Variants in FBXL18 observed in about 807,000 individuals in gnomAD.
FBXL18 encodes F-box and leucine rich repeat protein 18.
Under a neutral mutation model 46.0 loss-of-function variants are expected in FBXL18, and 36 were observed. The observed-to-expected ratio is 0.78, with a 90% CI of 0.60 to 1.03. FBXL18 has a LOEUF of 1.03. Ranked by LOEUF, FBXL18 falls within the 50% of genes least tolerant of loss-of-function variation. The pLI, the probability that FBXL18 is intolerant of heterozygous loss-of-function variation, is 0.00. For synonymous variants in FBXL18, 557 were observed against 465.3 expected, an observed-to-expected ratio of 1.20 and a Z score of -2.54; for missense variants, 977 against 1,004.1, an observed-to-expected ratio of 0.97 and a Z score of 0.36.
In FBXL18 at chr7:5,456,121, G is replaced by A. The variant is rs906561707; in HGVS notation, c.2001-8278C>T. 5.3e-5 allele frequency among the ~76,000 whole-genome samples: 8 copies of A among 151,516 alleles called. No homozygotes were observed. In the South Asian group the frequency reaches 1.7e-3, roughly 32 times the overall value. ...CTGGCAACTCCTGCTCCCACCTAAC[G>A]TCATCATGGGACCTAAAAGCAGACC... On this transcript the variant is annotated intron_variant and NMD_transcript_variant, in intron 4 of 6. Transcript: ENST00000415009.
intron 4 of FBXL18, among the ~76,000 whole-genome samples, chr7:5,461,082 G>A (rs1305779737): frequency 1.3e-5 from 2 of 152,138 alleles, no homozygotes; most frequent in Admixed American, 1.3e-4. Flanking sequence ...TGGTGTCCTG[G>A]TGCCCAACCC....
In FBXL18 at chr7:5,455,658, C is replaced by T. The variant is rs1316253454; in HGVS notation, c.2001-7815G>A. 3.3e-5 allele frequency among the ~76,000 whole-genome samples: 5 copies of T among 152,096 alleles called. No individual in the cohort carries two copies. Among genetic ancestry groups the T allele is most frequent in the East Asian group, 3.9e-4 (2 of 5,194 alleles). Reference sequence around the variant, plus strand: ...CGGGATTGCTGACCATCCACTTCCCCGCAGGGGGGCTCAAACCCAGGCTGT... The same window carrying T: ...CGGGATTGCTGACCATCCACTTCCCTGCAGGGGGGCTCAAACCCAGGCTGT... On this transcript the variant is annotated intron_variant and NMD_transcript_variant, in intron 4 of 6. Transcript: ENST00000415009. This position sits in a 1 kb window ranked among gnomAD's most constrained non-coding sequence, Gnocchi z 4.6.
intron 3 of FBXL18, among the ~76,000 whole-genome samples, chr7:5,493,453 A>G (rs1783984664): frequency 6.6e-6 from 1 of 151,466 alleles, no homozygotes. Flanking sequence ...CTGCCACCGC[A>G]CCCAGCTAAT....
At chr7:5,512,984 C>G (rs760210023) in intron 1 of FBXL18, among the ~76,000 whole-genome samples, 1 of 152,162 alleles carries the variant, frequency 6.6e-6, no homozygotes, top group Non-Finnish European at 1.5e-5. Flanking sequence ...GTGACAGATA[C>G]CAACCCAGGT....
intron 1 of FBXL18, among the ~76,000 whole-genome samples, chr7:5,512,866 C>A (rs769433156): frequency 6.6e-6 from 1 of 152,150 alleles, no homozygotes; most frequent in African/African-American, 2.4e-5. Context: ...TCCAGAGACC[C>A]TGCCCCATCA....
chr7:5,480,036 C>T lies in FBXL18; in HGVS notation c.*1739G>A, dbSNP rs1783601105. On this transcript the variant is annotated 3_prime_UTR_variant, in exon 5 of 5. Coordinates refer to ENST00000382368, the MANE Select transcript of FBXL18 (RefSeq NM_024963.6). ...TCCCCACAGCTCTGACCCCAGTTCT[C>T]CAAAGGCCTCCTGGACAAGGAGCTT... 6.6e-6 allele frequency among the ~76,000 whole-genome samples: 1 copy of T among 152,176 alleles called. No individual in the cohort carries two copies. Among genetic ancestry groups the T allele is most frequent in the Non-Finnish European group, 1.5e-5 (1 of 68,016 alleles).
chr7:5,487,468 G>A (rs914626917), intron 4 of FBXL18, among the ~76,000 whole-genome samples: 2 of 152,172 alleles, frequency 1.3e-5, no homozygotes, highest in African/African-American at 4.8e-5. Flanking sequence ...ACAGAGCCTG[G>A]AGGTCCCCAC....
At chr7:5,500,393 T>TGGAGG in intron 3 of FBXL18, 95 bp downstream of exon 3, 1 of 1,203,716 alleles carries the variant, frequency 8.3e-7, no homozygotes, top group Non-Finnish European at 1.2e-6. Context: ...TCTGCACTCC[T>TGGAGG]GGAGGGCAGG....
intron 2 of FBXL18, among the ~76,000 whole-genome samples, chr7:5,504,266 C>T (rs950754614): frequency 3.3e-5 from 5 of 151,668 alleles, no homozygotes; most frequent in African/African-American, 1.2e-4. Flanking sequence ...CCTGCCTCTG[C>T]TAAAAATACA....
At position 5,502,110 on chromosome 7, in the gene FBXL18, C is replaced by G. The variant is rs1007294273; in HGVS notation, c.238-79G>C. 3 of 1,024,904 alleles carry G rather than the reference C, an allele frequency of 2.9e-6. No individual in the cohort carries two copies. In the South Asian group the frequency reaches 4.8e-5, roughly 16 times the overall value. 63.5% of individuals were successfully genotyped at this position (1,024,904 alleles called of 1,614,324 possible). On this transcript the variant is annotated intron_variant, in intron 2 of 4. Transcript: ENST00000382368. ...GGGTCTCCAACCCTCAGTGCGCACA[C>G]TCCCCCTTGCAGCAGCTGCTCCACC...
chr7:5,478,242 ATGG>A lies in FBXL18; in HGVS notation c.*3530_*3532del, dbSNP rs1783561438. On this transcript the variant is annotated 3_prime_UTR_variant, in exon 5 of 5. Coordinates refer to ENST00000382368, the MANE Select transcript of FBXL18 (RefSeq NM_024963.6). ...CTGGCAGGGCCTCTGGGGGCAGCAGATGGCAAGGATAGAGCCCGCCCCCTCTGC... is the reference window on the plus strand; with the variant it reads ...CTGGCAGGGCCTCTGGGGGCAGCAGACAAGGATAGAGCCCGCCCCCTCTGC... 2.0e-5 allele frequency: 3 copies of A among 152,380 alleles called. No individual in the cohort carries two copies. Among genetic ancestry groups the A allele is most frequent in the Non-Finnish European group, 4.4e-5 (3 of 68,194 alleles). 9.4% of individuals were successfully genotyped at this position (152,380 alleles called of 1,614,324 possible).
rs1177106166 is a variant in FBXL18, at chr7:5,455,971, T to C, written c.2001-8128A>G. 6.6e-5 allele frequency among the ~76,000 whole-genome samples: 10 copies of C among 152,066 alleles called. No homozygotes were observed. Among genetic ancestry groups the C allele is most frequent in the Admixed American group, 4.6e-4 (7 of 15,254 alleles). The stretch of plus-strand genomic sequence containing the variant: ...CTGCCGCATTTCGTTCCCTCTGTGC[T>C]CCTTCCCCAGTGTCACTCCTCCTTC... On this transcript the variant is annotated intron_variant and NMD_transcript_variant, in intron 4 of 6. Transcript: ENST00000415009. The surrounding 1 kb of genome is among the most constrained non-coding windows in gnomAD (Gnocchi z 4.6).
At chr7:5,461,848 G>A (rs1783250822) in intron 4 of FBXL18, among the ~76,000 whole-genome samples, 1 of 152,176 alleles carries the variant, frequency 6.6e-6, no homozygotes, top group Non-Finnish European at 1.5e-5. Flanking sequence ...GGCTGAGGCA[G>A]GAGAATCACT....
intron 4 of FBXL18, among the ~76,000 whole-genome samples, chr7:5,468,291 G>A (rs542249779): frequency 6.6e-6 from 1 of 151,796 alleles, no homozygotes; most frequent in African/African-American, 2.4e-5. Flanking sequence ...CCCTGTTTTT[G>A]TATTTTTAGT....
At chr7:5,484,368 G>T (rs1783721953) in intron 4 of FBXL18, among the ~76,000 whole-genome samples, 1 of 151,898 alleles carries the variant, frequency 6.6e-6, no homozygotes, top group South Asian at 2.1e-4. Flanking sequence ...CTATTCGGAA[G>T]GCTGCGGCAG....
At chr7:5,504,881 A>T (rs981868725) in intron 2 of FBXL18, among the ~76,000 whole-genome samples, 1 of 126,998 alleles carries the variant, frequency 7.9e-6, no homozygotes, top group Non-Finnish European at 1.6e-5. Context: ...ATGCCACTGC[A>T]CTCTAGCCTG....
intron 4 of FBXL18, among the ~76,000 whole-genome samples, chr7:5,462,950 C>CAAAAAAAAAAAAAAAAAAAAAAAAAAA (rs138208570): frequency 4.5e-5 from 1 of 22,368 alleles, no homozygotes; most frequent in Non-Finnish European, 9.4e-5. Flanking sequence ...GACTTGGTCT[C>CAAAAAAAAAAAAAAAAAAAAAAAAAAA]AAAAAAAAAA....
At chr7:5,506,269 G>C (rs1352951711) in intron 1 of FBXL18, among the ~76,000 whole-genome samples, 1 of 126,590 alleles carries the variant, frequency 7.9e-6, no homozygotes, top group Non-Finnish European at 1.7e-5. Context: ...TTTTTTTTTA[G>C]ACAAGGTCTT....
At chr7:5,471,346 G>C (rs959235360), downstream of FBXL18, among the ~76,000 whole-genome samples, 1 of 152,098 alleles carries the variant, frequency 6.6e-6, no homozygotes, top group Admixed American at 6.6e-5. Flanking sequence ...GCGCGATCTC[G>C]GCTCACTACA....
Sources: allele counts gnomAD v4.1 joint callset (sites outside exome capture counted in the v4.1 genomes callset), GRCh38; gene constraint gnomAD v4.1.1; non-coding constraint Gnocchi (gnomAD v3.1); transcripts MANE v1.5; gene names NCBI Gene and HGNC (gene_info 2026-07-23, HGNC 2026-07-21).